The following FBXO34 variants were observed in gnomAD, a reference collection of about 807,000 sequenced individuals.
The protein encoded by FBXO34 is F-box protein 34, also known as F-box only protein 34.
A neutral mutation model predicts 24.5 loss-of-function variants in FBXO34; 12 were observed. That is an observed-to-expected ratio of 0.49 (90% CI 0.31 to 0.79). The LOEUF (loss-of-function observed/expected upper bound fraction) is 0.79. Among genes scored for constraint, FBXO34 ranks in the 30% least tolerant of loss-of-function variants. FBXO34 has a pLI of 0.04. For missense variants in FBXO34, 823 were observed against 857.7 expected, an observed-to-expected ratio of 0.96 and a Z score of 0.51; for synonymous variants, 320 against 311.9, an observed-to-expected ratio of 1.03 and a Z score of -0.27.
chr14:55,414,362 G>A, the FBXO34 span: 2 of 1,569,420 alleles, frequency 1.3e-6, no homozygotes, highest in South Asian at 1.2e-5. Flanking sequence ...AATAATGTGA[G>A]ATGCTGAATG....
the FBXO34 span, chr14:55,411,802 C>T: frequency 9.4e-6 from 15 of 1,597,620 alleles, no homozygotes; most frequent in Admixed American, 1.6e-4. Flanking sequence ...CCCGGGCTCC[C>T]TTCCCACTGG....
At chr14:55,431,316 A>G in the FBXO34 span, among the ~76,000 whole-genome samples, 1 of 152,234 alleles carries the variant, frequency 6.6e-6, no homozygotes, top group African/African-American at 2.4e-5. Flanking sequence ...ATAAATTCAG[A>G]TAAGAAAAGA....
At chr14:55,440,364 T>G in the FBXO34 span, 1 of 1,612,398 alleles carries the variant, frequency 6.2e-7, no homozygotes, top group Non-Finnish European at 8.5e-7. Flanking sequence ...GGGACTTGGG[T>G]CCTGACTCTG....
At chr14:55,411,518 G>C in the FBXO34 span, 2 of 1,336,568 alleles carry the variant, frequency 1.5e-6, no homozygotes, top group Non-Finnish European at 2.0e-6. Flanking sequence ...GTGCCCGGAC[G>C]GGGAGCCCCA....
At position 55,313,313 on chromosome 14, in the gene FBXO34, A is replaced by T. The variant is rs537683368; in HGVS notation, c.-10-37068A>T. Among the ~76,000 whole-genome samples the T allele has an allele frequency of 9.9e-5, 15 of 152,208 alleles. No individual in the cohort carries two copies. In the South Asian group the frequency reaches 3.1e-3, roughly 32 times the overall value. ...TTCATCTGAGACCACCTCATCCTGG[A>T]CTTCATTGACCATATCACTATCAGC... On this transcript the variant is annotated intron_variant, in intron 1 of 1. Transcript: ENST00000313833.
the FBXO34 span, among the ~76,000 whole-genome samples, chr14:55,390,159 C>T: frequency 4.6e-5 from 7 of 152,202 alleles, no homozygotes; most frequent in African/African-American, 1.4e-4. Flanking sequence ...CAATCTCCGC[C>T]TCCCAGGTTC....
chr14:55,418,826 C>A, the FBXO34 span, among the ~76,000 whole-genome samples: 12 of 152,128 alleles, frequency 7.9e-5, no homozygotes, highest in African/African-American at 2.9e-4. Context: ...GAGAAAAAAC[C>A]AGGAGAGTGT....
At chr14:55,344,478 TCATTTCG>T (rs1884093446) in intron 1 of FBXO34, among the ~76,000 whole-genome samples, 2 of 152,148 alleles carry the variant, frequency 1.3e-5, no homozygotes, top group South Asian at 4.2e-4. Flanking sequence ...CAGACCTGAG[TCATTTCG>T]CCTCCTGGAT....
At chr14:55,402,965 ATAT>A in the FBXO34 span, among the ~76,000 whole-genome samples, 84 of 76,466 alleles carry the variant, frequency 1.1e-3, 2 homozygotes, top group Admixed American at 3.7e-3. Context: ...ATATATATAT[ATAT>A]AAATAGCTGG....
chr14:55,356,385 C>T (rs1294911245), downstream of FBXO34, among the ~76,000 whole-genome samples: 1 of 152,150 alleles, frequency 6.6e-6, no homozygotes, highest in Admixed American at 6.5e-5. Context: ...GTCGGGTATG[C>T]CTCGTTTAAA....
chr14:55,349,602 A>ATTTTTTTT (rs1555339656), intron 1 of FBXO34, among the ~76,000 whole-genome samples: 1 of 90,362 alleles, frequency 1.1e-5, no homozygotes, highest in Non-Finnish European at 2.2e-5. Context: ...GGAAGCAATA[A>ATTTTTTTT]TTTTCTTTTT....
chr14:55,341,871 C>T (rs1405218223), intron 1 of FBXO34, among the ~76,000 whole-genome samples: 1 of 152,118 alleles, frequency 6.6e-6, no homozygotes, highest in East Asian at 1.9e-4. Flanking sequence ...TTTATTTTGT[C>T]TCTATCCTGA....
the FBXO34 span, among the ~76,000 whole-genome samples, chr14:55,439,618 C>CCCCCCCCCCCCCT: frequency 5.0e-5 from 3 of 60,234 alleles, no homozygotes; most frequent in Non-Finnish European, 9.5e-5. Context: ...AAGCAAACCC[C>CCCCCCCCCCCCCT]CCCCCGTCTC....
At chr14:55,283,982 G>GTGTGTGTC (rs1555334942) in intron 1 of FBXO34, among the ~76,000 whole-genome samples, 10 of 149,944 alleles carry the variant, frequency 6.7e-5, no homozygotes, top group African/African-American at 2.2e-4. Context: ...GTGTCTGTGT[G>GTGTGTGTC]TGTGTGTATG....
chr14:55,392,692 A>G, the FBXO34 span, among the ~76,000 whole-genome samples: 38 of 152,230 alleles, frequency 2.5e-4, 1 homozygote, highest in South Asian at 7.7e-3. Context: ...TTAGTTAAAA[A>G]GAATGATTAT....
chr14:55,376,533 C>G, the FBXO34 span, among the ~76,000 whole-genome samples: 1 of 152,096 alleles, frequency 6.6e-6, no homozygotes, highest in Non-Finnish European at 1.5e-5. Context: ...ATAAAGGAGT[C>G]TATGTCCTGG....
At chr14:55,312,269 A>G (rs1219452385) in intron 1 of FBXO34, among the ~76,000 whole-genome samples, 1 of 152,188 alleles carries the variant, frequency 6.6e-6, no homozygotes, top group Non-Finnish European at 1.5e-5. Flanking sequence ...TCCAGGTCAC[A>G]CTGATGCAAG....
chr14:55,380,637 T>C, the FBXO34 span: 7 of 1,613,338 alleles, frequency 4.3e-6, no homozygotes, highest in Non-Finnish European at 4.2e-6. Flanking sequence ...ACCAGCTGAG[T>C]TGCATAGCAC....
intron 1 of FBXO34, chr14:55,298,827 A>G (rs1882236861): frequency 6.2e-7 from 1 of 1,612,420 alleles, no homozygotes; most frequent in African/African-American, 1.3e-5. Context: ...GCGTAAGAAG[A>G]GGTATGAGAA....
Sources: gnomAD v4.1 joint callset for allele counts (sites outside exome capture counted in the v4.1 genomes callset) on GRCh38, gnomAD v4.1.1 for gene constraint, MANE v1.5 for transcripts, NCBI Gene and HGNC (gene_info 2026-07-23, HGNC 2026-07-21) for gene names.